The following PRKCE variants were observed in gnomAD, a reference collection of about 807,000 sequenced individuals.
PRKCE encodes protein kinase C epsilon type.
PRKCE carries 16 observed loss-of-function variants against 85.4 expected under a neutral mutation model. The ratio of observed to expected loss-of-function variants is 0.19; its 90% CI spans 0.13 to 0.28. The LOEUF (loss-of-function observed/expected upper bound fraction) is 0.28. Ranked by LOEUF, PRKCE falls within the 10% of genes least tolerant of loss-of-function variation. The pLI, the probability that PRKCE is intolerant of heterozygous loss-of-function variation, is 1.00. For synonymous variants in PRKCE, 388 were observed against 371.5 expected (o/e 1.04, Z -0.51); for missense variants, 573 against 975.2 (o/e 0.59, Z 5.49).
Position 45,677,857 on chromosome 2 carries a change from T to A in PRKCE, c.348+25409T>A, listed in dbSNP as rs866231467. 2.0e-5 allele frequency: 20 copies of A among 985,284 alleles called. No individual in the cohort carries two copies. In the Middle Eastern group the frequency reaches 2.1e-3, roughly 102 times the overall value. 61.0% of individuals were successfully genotyped at this position (985,284 alleles called of 1,614,324 possible). A position where few individuals can be genotyped will look rare whatever the true frequency, so the allele number is the denominator to read the frequency against. On this transcript the variant is annotated intron_variant, in intron 1 of 14. Coordinates refer to ENST00000306156, the MANE Select transcript of PRKCE (RefSeq NM_005400.3). Reference sequence around the variant, plus strand: ...AGACACAACCGCTTCAGATGGGCAGTGAAAAAGACGATGGAAAGGCCAGGA... The same window carrying A: ...AGACACAACCGCTTCAGATGGGCAGAGAAAAAGACGATGGAAAGGCCAGGA...
At chr2:45,684,800 C>T (rs996158014) in intron 1 of PRKCE, among the ~76,000 whole-genome samples, 1 of 152,150 alleles carries the variant, frequency 6.6e-6, no homozygotes, top group Non-Finnish European at 1.5e-5. Context: ...TGTGCGCATC[C>T]AAGGAGGGAA....
intron 1 of PRKCE, among the ~76,000 whole-genome samples, chr2:45,734,347 G>A (rs1681857910): frequency 6.7e-6 from 1 of 149,354 alleles, no homozygotes; most frequent in African/African-American, 2.5e-5. Context: ...CCTGGCAATA[G>A]AGCAAGACTC....
chr2:45,923,335 T>A (rs78058506), intron 2 of PRKCE, among the ~76,000 whole-genome samples: 8,426 of 152,264 alleles, frequency 0.055, 274 homozygotes, highest in African/African-American at 0.09. Context: ...TAACCAGGCA[T>A]TCTGCTAACA....
chr2:45,716,290 G>A (rs563313856), intron 1 of PRKCE, among the ~76,000 whole-genome samples: 1 of 152,334 alleles, frequency 6.6e-6, no homozygotes, highest in Non-Finnish European at 1.5e-5. Context: ...GCCAAGGTGG[G>A]CAGATCACTT....
intron 1 of PRKCE, among the ~76,000 whole-genome samples, chr2:45,687,052 G>C (rs1677351108): frequency 1.3e-5 from 2 of 151,962 alleles, no homozygotes; most frequent in Non-Finnish European, 2.9e-5. Flanking sequence ...AGTCTTCCTA[G>C]GTATAACACA....
intron 2 of PRKCE, among the ~76,000 whole-genome samples, chr2:45,938,030 A>G (rs556083647): frequency 6.6e-6 from 1 of 151,998 alleles, no homozygotes; most frequent in South Asian, 2.1e-4. Context: ...CACTAATGTC[A>G]CTCAGAGGGT....
chr2:45,997,878 T>G (rs1356793047), intron 6 of PRKCE, among the ~76,000 whole-genome samples: 1 of 152,188 alleles, frequency 6.6e-6, no homozygotes, highest in African/African-American at 2.4e-5. Flanking sequence ...TTCAAAATAT[T>G]TTAAAACTTA....
intron 1 of PRKCE, among the ~76,000 whole-genome samples, chr2:45,740,502 A>G (rs538889103): frequency 9.2e-5 from 14 of 151,940 alleles, no homozygotes; most frequent in Non-Finnish European, 1.8e-4. Context: ...TCCCTCCCCA[A>G]CCACCTGACA....
chr2:45,753,266 A>T (rs1683733511), intron 1 of PRKCE, among the ~76,000 whole-genome samples: 1 of 152,170 alleles, frequency 6.6e-6, no homozygotes, highest in Admixed American at 6.5e-5. Flanking sequence ...GGGCTTGGGC[A>T]GTACCTGGGC....
chr2:45,924,130 A>C (rs565947164), intron 2 of PRKCE, among the ~76,000 whole-genome samples: 2 of 152,280 alleles, frequency 1.3e-5, no homozygotes, highest in East Asian at 3.9e-4. Context: ...CCTGTGCCTT[A>C]AACCGTCAGG....
chr2:45,685,657 T>A (rs953493768), intron 1 of PRKCE: 1 of 151,976 alleles, frequency 6.6e-6, no homozygotes, highest in Non-Finnish European at 1.5e-5. Context: ...AGCCAGCCAT[T>A]GTGGTATGTG....
intron 2 of PRKCE, among the ~76,000 whole-genome samples, chr2:45,887,288 C>A (rs140530190): frequency 6.6e-6 from 1 of 152,146 alleles, no homozygotes; most frequent in Non-Finnish European, 1.5e-5. Context: ...CAATAGATAG[C>A]GATCTGTGTC....
At chr2:46,123,640 C>T (rs1405096426) in intron 11 of PRKCE, among the ~76,000 whole-genome samples, 1 of 152,188 alleles carries the variant, frequency 6.6e-6, no homozygotes, top group African/African-American at 2.4e-5. Flanking sequence ...AGGCGTGCAC[C>T]ACCATGCCCA....
chr2:45,772,946 G>C (rs745827936), intron 1 of PRKCE, among the ~76,000 whole-genome samples: 1 of 152,180 alleles, frequency 6.6e-6, no homozygotes, highest in African/African-American at 2.4e-5. Flanking sequence ...GAATGGAGTG[G>C]TGATGGCAGG....
intron 1 of PRKCE, among the ~76,000 whole-genome samples, chr2:45,747,512 C>T (rs1409867006): frequency 6.6e-6 from 1 of 152,186 alleles, no homozygotes; most frequent in African/African-American, 2.4e-5. Flanking sequence ...CCTCAGGGTT[C>T]ATCTGTGTTG....
At chr2:45,915,235 A>AT (rs1017983784) in intron 2 of PRKCE, among the ~76,000 whole-genome samples, 3 of 152,112 alleles carry the variant, frequency 2.0e-5, no homozygotes, top group Non-Finnish European at 2.9e-5. Context: ...CCACCTGATG[A>AT]TTTTTTGCAA....
At chr2:46,028,558 T>A (rs1296563648) in intron 10 of PRKCE, among the ~76,000 whole-genome samples, 3 of 152,212 alleles carry the variant, frequency 2.0e-5, no homozygotes, top group Non-Finnish European at 2.9e-5. Flanking sequence ...CCTCCCCACC[T>A]GCCACCACTG....
chr2:45,938,043 C>A (rs147616934), intron 2 of PRKCE, among the ~76,000 whole-genome samples: 1 of 152,154 alleles, frequency 6.6e-6, no homozygotes, highest in Non-Finnish European at 1.5e-5. Context: ...CAGAGGGTCC[C>A]GACCCTTCCC....
intron 11 of PRKCE, among the ~76,000 whole-genome samples, chr2:46,104,026 C>T (rs1024398415): frequency 6.6e-6 from 1 of 152,118 alleles, no homozygotes; most frequent in Admixed American, 6.5e-5. Flanking sequence ...ATTCTTCCAC[C>T]GTTTGCTTTA....
Sources: gnomAD v4.1 joint callset for allele counts (sites outside exome capture counted in the v4.1 genomes callset) on GRCh38, gnomAD v4.1.1 for gene constraint, MANE v1.5 for transcripts, NCBI Gene and HGNC (gene_info 2026-07-23, HGNC 2026-07-21) for gene names.